BPTF: variants seen among roughly 807,000 people sequenced by gnomAD.
The protein encoded by BPTF is nucleosome-remodeling factor subunit BPTF.
A neutral mutation model predicts 292.5 loss-of-function variants in BPTF; 18 were observed. The observed-to-expected ratio is 0.06, with a 90% CI of 0.04 to 0.09. The LOEUF (loss-of-function observed/expected upper bound fraction) is 0.09. Among genes scored for constraint, BPTF ranks in the 10% least tolerant of loss-of-function variants. The pLI is 1.00. For synonymous variants in BPTF, 1,225 were observed against 1,251.9 expected (o/e 0.98, Z 0.45); for missense variants, 2,726 against 3,498.7 (o/e 0.78, Z 5.57).
intron 13 of BPTF, among the ~76,000 whole-genome samples, chr17:67,920,754 A>G (rs1892990607): frequency 6.6e-6 from 1 of 152,196 alleles, no homozygotes. Context: ...GAAGATTAAC[A>G]CTAATTTATA....
intron 13 of BPTF, among the ~76,000 whole-genome samples, chr17:67,921,529 G>GCAAA (rs1555658237): frequency 6.6e-6 from 1 of 151,414 alleles, no homozygotes; most frequent in African/African-American, 2.4e-5. Context: ...CCATTTCCAA[G>GCAAA]TAAATAAATA....
chr17:67,899,111 G>A (rs1003504634), intron 7 of BPTF, among the ~76,000 whole-genome samples: 9 of 151,952 alleles, frequency 5.9e-5, no homozygotes, highest in Admixed American at 1.3e-4. Flanking sequence ...TAAAATTACA[G>A]ACCCACAGGG....
intron 26 of BPTF, among the ~76,000 whole-genome samples, chr17:67,970,457 T>A (rs1201916440): frequency 6.6e-6 from 1 of 152,022 alleles, no homozygotes; most frequent in East Asian, 1.9e-4. Flanking sequence ...ATCTCCTATA[T>A]CTCCTAAGTA....
rs547851877 is a variant in BPTF, at chr17:67,975,914, C to T, written c.8682C>T (p.Leu2894=). The T allele has an allele frequency of 2.5e-6, 4 of 1,613,004 alleles. No individual in the cohort carries two copies. Among genetic ancestry groups the T allele is most frequent in the East Asian group, 2.2e-5 (1 of 44,868 alleles). ...DSPFYQCAEV[L]ESFFVQKLKG... ...CATTTTACCAGTGTGCAGAAGTTCT[C>T]GAATCATTCTTTGTACAGAAATTGA... The change falls in exon 27 of 28, where the codon CTC becomes CTT. Residue 2894 remains leucine (L), a synonymous_variant. Transcript: ENST00000306378.
At chr17:67,838,716 T>C (rs574023779) in intron 1 of BPTF, among the ~76,000 whole-genome samples, 2 of 152,348 alleles carry the variant, frequency 1.3e-5, no homozygotes, top group Admixed American at 6.5e-5. Flanking sequence ...GCTCAGTCAG[T>C]CCTTCCTCCT....
At chr17:67,946,372 G>C in intron 21 of BPTF, 47 bp downstream of exon 21, 1 of 1,588,858 alleles carries the variant, frequency 6.3e-7, no homozygotes, top group Non-Finnish European at 8.6e-7. Context: ...TTGAATTATT[G>C]TGCTGTGCAG....
chr17:67,891,950 A>T lies in BPTF; in HGVS notation c.1971A>T (p.Pro657=). 1 of 1,613,024 alleles carries T rather than the reference A, an allele frequency of 6.2e-7. No homozygotes were observed. Among genetic ancestry groups the T allele is most frequent in the Non-Finnish European group, 8.5e-7 (1 of 1,179,610 alleles). The change falls in exon 5 of 28, where the codon CCA becomes CCT. Residue 657 remains proline (P), a synonymous_variant. Coordinates refer to ENST00000306378, the MANE Select transcript of BPTF (RefSeq NM_182641.4). ...GAATCATCACCAGATTGCGGAATCC[A>T]GATAGCAAACTTAGTCAGCTGAAGA... ...STRIITRLRN[P]DSKLSQLKSQ...
At chr17:67,976,622 G>T (rs2069456815) in intron 27 of BPTF, among the ~76,000 whole-genome samples, 1 of 146,852 alleles carries the variant, frequency 6.8e-6, no homozygotes. Context: ...GGAGTTCAAG[G>T]CTGCCGTGAG....
chr17:67,837,213 C>T (rs993662964), intron 1 of BPTF, among the ~76,000 whole-genome samples: 13 of 152,248 alleles, frequency 8.5e-5, no homozygotes, highest in African/African-American at 3.1e-4. Flanking sequence ...AATTCAGGCT[C>T]TTTTTGCGTT....
intron 4 of BPTF, among the ~76,000 whole-genome samples, chr17:67,885,765 A>G (rs983217237): frequency 6.6e-6 from 1 of 152,216 alleles, no homozygotes; most frequent in African/African-American, 2.4e-5. Context: ...TCAGCAAACT[A>G]CCTCTGCAAT....
intron 11 of BPTF, among the ~76,000 whole-genome samples, chr17:67,913,591 G>A (rs1052272487): frequency 2.0e-5 from 3 of 152,066 alleles, no homozygotes; most frequent in East Asian, 1.9e-4. Context: ...ACATAAACAC[G>A]CCTGTAAATT....
intron 3 of BPTF, among the ~76,000 whole-genome samples, chr17:67,874,250 G>A (rs2059926044): frequency 6.6e-6 from 1 of 152,202 alleles, no homozygotes; most frequent in Admixed American, 6.5e-5. Context: ...AGTTGAAAGA[G>A]GGTAGGTGTA....
chr17:67,881,876 T>G (rs2060445498), intron 4 of BPTF, among the ~76,000 whole-genome samples: 1 of 132,630 alleles, frequency 7.5e-6, no homozygotes, highest in Non-Finnish European at 1.5e-5. Context: ...TTTTTTTTTT[T>G]TTTTTTTTGA....
intron 26 of BPTF, among the ~76,000 whole-genome samples, chr17:67,967,441 C>G (rs1280949954): frequency 6.6e-6 from 1 of 151,906 alleles, no homozygotes; most frequent in Non-Finnish European, 1.5e-5. Context: ...CATACCCGGC[C>G]AATTGTGCAT....
At chr17:67,928,097 T>C (rs2064068879) in intron 15 of BPTF, among the ~76,000 whole-genome samples, 1 of 152,154 alleles carries the variant, frequency 6.6e-6, no homozygotes, top group South Asian at 2.1e-4. Context: ...TTGGCCAGGC[T>C]GGTCTCGAAC....
chr17:67,900,325 G>A (rs1276528418), intron 7 of BPTF, among the ~76,000 whole-genome samples: 5 of 151,824 alleles, frequency 3.3e-5, no homozygotes, highest in African/African-American at 1.2e-4. Flanking sequence ...GGCTGGTCTC[G>A]AACTCCTGTG....
At chr17:67,829,451 C>CT (rs1342268135) in intron 1 of BPTF, among the ~76,000 whole-genome samples, 1 of 151,914 alleles carries the variant, frequency 6.6e-6, no homozygotes, top group Middle Eastern at 3.4e-3. Flanking sequence ...GACCGGCCCT[C>CT]TAAGTTCCCT....
chr17:67,838,639 G>C (rs2057317756), intron 1 of BPTF, among the ~76,000 whole-genome samples: 2 of 152,132 alleles, frequency 1.3e-5, no homozygotes, highest in Admixed American at 1.3e-4. Context: ...GCCATGCCTG[G>C]CTAGTTTTTT....
chr17:67,903,969 T>C (rs1458976391), intron 8 of BPTF, 51 bp downstream of exon 8: 1 of 1,474,520 alleles, frequency 6.8e-7, no homozygotes, highest in East Asian at 2.4e-5. Context: ...TCTGAGACTT[T>C]TATTCTGAAA....
Sources: allele counts gnomAD v4.1 joint callset (sites outside exome capture counted in the v4.1 genomes callset), GRCh38; gene constraint gnomAD v4.1.1; transcripts MANE v1.5; gene names NCBI Gene and HGNC (gene_info 2026-07-23, HGNC 2026-07-21).